The following SUDS3 variants were observed in gnomAD, a reference collection of about 807,000 sequenced individuals.
SUDS3 encodes SIN3A corepressor complex component SDS3.
In SUDS3, 23 loss-of-function variants were observed where a neutral mutation model predicts 53.5. That is an observed-to-expected ratio of 0.43 (90% CI 0.31 to 0.61). The LOEUF is 0.61. SUDS3 is among the 20% of genes least tolerant of loss of function. The pLI is 0.10. For synonymous variants in SUDS3, 150 were observed against 148.5 expected, an observed-to-expected ratio of 1.01 and a Z score of -0.08; for missense variants, 291 against 405.9, an observed-to-expected ratio of 0.72 and a Z score of 2.43.
At chr12:118,398,861 G>A (rs2046239612) in intron 6 of SUDS3, among the ~76,000 whole-genome samples, 1 of 152,114 alleles carries the variant, frequency 6.6e-6, no homozygotes, top group African/African-American at 2.4e-5. Flanking sequence ...ATCCAAAGGG[G>A]TAGGTAATGA....
chr12:118,383,962 T>A, intron 2 of SUDS3, 50 bp from the exon 3 acceptor site: 1 of 1,528,690 alleles, frequency 6.5e-7, no homozygotes, highest in South Asian at 1.2e-5. Context: ...TATTTTGGAA[T>A]TGAGTATTGA....
chr12:118,377,193 G>C (rs1395381633), intron 1 of SUDS3, among the ~76,000 whole-genome samples: 1 of 151,790 alleles, frequency 6.6e-6, no homozygotes, highest in Non-Finnish European at 1.5e-5. Flanking sequence ...TTGTGTGTGA[G>C]AGCATCAGAG....
intron 2 of SUDS3, among the ~76,000 whole-genome samples, chr12:118,383,361 T>TTA (rs2046084902): frequency 6.6e-6 from 1 of 152,254 alleles, no homozygotes; most frequent in South Asian, 2.1e-4. Flanking sequence ...CTTGCTGAAG[T>TTA]TATGACTGCC....
At chr12:118,387,749 C>T (rs557436604) in intron 4 of SUDS3, among the ~76,000 whole-genome samples, 1 of 152,274 alleles carries the variant, frequency 6.6e-6, no homozygotes, top group South Asian at 2.1e-4. Flanking sequence ...TAGGTTTTCA[C>T]CATGTTGGCC....
At chr12:118,405,433 G>A (rs2046300882) in intron 10 of SUDS3, among the ~76,000 whole-genome samples, 1 of 152,124 alleles carries the variant, frequency 6.6e-6, no homozygotes, top group Non-Finnish European at 1.5e-5. Context: ...ACAATGTCTG[G>A]TGTTTCCTAA....
Position 118,401,961 on chromosome 12 carries a change from TTTG to T in SUDS3, c.676-13_676-11del, listed in dbSNP as rs778348815. On this transcript the variant is annotated intron_variant, in intron 8 of 11. Transcript: ENST00000543473. The stretch of plus-strand genomic sequence containing the variant: ...CCTGAAATGATTTTCTCTAAGATTT[TTTG>T]TTGTTGTTCTTCCTACAGCTTAAGT... The T allele has an allele frequency of 4.0e-5, 65 of 1,613,970 alleles. No homozygotes were observed. The highest frequency in any genetic ancestry group is 1.2e-4 in the African/African-American group (9 of 75,060).
intron 5 of SUDS3, among the ~76,000 whole-genome samples, chr12:118,390,531 G>A (rs1032208295): frequency 1.3e-5 from 2 of 152,160 alleles, no homozygotes; most frequent in Admixed American, 6.5e-5. Context: ...CCTTAAATCA[G>A]TGTGGTGCCC....
intron 1 of SUDS3, among the ~76,000 whole-genome samples, chr12:118,377,177 C>T (rs966445754): frequency 2.0e-5 from 3 of 151,934 alleles, no homozygotes; most frequent in Non-Finnish European, 4.4e-5. Flanking sequence ...GTAGTTCGCC[C>T]CTTTTTTGTG....
chr12:118,395,344 A>G (rs182258386), intron 6 of SUDS3, among the ~76,000 whole-genome samples: 2 of 146,094 alleles, frequency 1.4e-5, no homozygotes, highest in East Asian at 2.1e-4. Context: ...TCCTGCCTCA[A>G]CCTCCTGAGT....
intron 4 of SUDS3, among the ~76,000 whole-genome samples, chr12:118,388,840 C>T (rs940474225): frequency 4.6e-5 from 7 of 152,238 alleles, no homozygotes; most frequent in African/African-American, 1.4e-4. Flanking sequence ...TATAGCCCTT[C>T]ATATAGTGCT....
intron 6 of SUDS3, among the ~76,000 whole-genome samples, chr12:118,397,558 A>C (rs1446069457): frequency 2.0e-5 from 3 of 151,998 alleles, no homozygotes; most frequent in Admixed American, 2.0e-4. Context: ...CATGTTTTCC[A>C]CCTGGGCTAT....
chr12:118,389,909 A>C lies in SUDS3; in HGVS notation c.341-18A>C. 1 of 1,614,016 alleles carries C rather than the reference A, an allele frequency of 6.2e-7. No homozygotes were observed. The highest frequency in any genetic ancestry group is 8.5e-7 in the Non-Finnish European group (1 of 1,179,872). ...GGCACAGCCTAGCAAATCTAATTGC[A>C]CTTTTTATCTCTTGCAGAACTCTTC... On this transcript the variant is annotated intron_variant, in intron 4 of 11. Coordinates refer to ENST00000543473, the MANE Select transcript of SUDS3 (RefSeq NM_022491.3).
chr12:118,400,604 C>T, intron 6 of SUDS3, 55 bp from the exon 7 acceptor site: 1 of 1,540,338 alleles, frequency 6.5e-7, no homozygotes, highest in South Asian at 1.1e-5. Context: ...TATAGAAATT[C>T]TTACTGACTT....
chr12:118,390,330 A>G (rs1410744822), intron 5 of SUDS3, among the ~76,000 whole-genome samples: 1 of 152,192 alleles, frequency 6.6e-6, no homozygotes, highest in Non-Finnish European at 1.5e-5. Flanking sequence ...AAAAAAAGAC[A>G]GATTTCTAAT....
At position 118,402,000 on chromosome 12, in the gene SUDS3, A is replaced by C; in HGVS notation, c.693A>C (p.Arg231Ser). The C allele has an allele frequency of 3.1e-6, 5 of 1,613,930 alleles. No homozygotes were observed. Among genetic ancestry groups the C allele is most frequent in the Non-Finnish European group, 4.2e-6 (5 of 1,179,874 alleles). Reference sequence around the variant, plus strand: ...TCCTACAGCTTAAGTCACCCAAGAGACCAGGTGAGTGCATGATGTGTTGGC... The same window carrying C: ...TCCTACAGCTTAAGTCACCCAAGAGCCCAGGTGAGTGCATGATGTGTTGGC... Reference protein sequence around the residue: ...RTLNKLKSPKRPASPSSPEHL... With the variant: ...RTLNKLKSPKSPASPSSPEHL... The change falls in exon 9 of 12, where the codon AGA becomes AGC. Residue 231 changes from arginine (R) to serine (S), a missense_variant. Physicochemically the swap from Arg to Ser is moderately radical, Grantham distance 110. Coordinates refer to ENST00000543473, the MANE Select transcript of SUDS3 (RefSeq NM_022491.3).
rs963625410 is a variant in SUDS3 at position 118,416,714 on chromosome 12, G to A, written c.*2281G>A. 1 of 152,190 alleles carries A rather than the reference G, an allele frequency of 6.6e-6. No individual in the cohort carries two copies. The highest frequency in any genetic ancestry group is 2.4e-5 in the African/African-American group (1 of 41,454). 9.4% of individuals were successfully genotyped at this position (152,190 alleles called of 1,614,324 possible). A position where few individuals can be genotyped will look rare whatever the true frequency, so the allele number is the denominator to read the frequency against. Reference sequence around the variant, plus strand: ...GCCTCAGTGGTGACCAGGAACAGAAGCAGCCTTCCTGTTAGTAGATGGGGG... The same window carrying A: ...GCCTCAGTGGTGACCAGGAACAGAAACAGCCTTCCTGTTAGTAGATGGGGG... On this transcript the variant is annotated 3_prime_UTR_variant, in exon 12 of 12. Transcript: ENST00000543473.
intron 3 of SUDS3, among the ~76,000 whole-genome samples, chr12:118,385,487 A>G (rs976272895): frequency 2.6e-5 from 4 of 152,178 alleles, no homozygotes; most frequent in Non-Finnish European, 5.9e-5. Context: ...GTCAGGCATT[A>G]TAATCAGGAA....
rs557160878 is a variant in SUDS3 at position 118,406,789 on chromosome 12, T to C, written c.803+3272T>C. On this transcript the variant is annotated intron_variant, in intron 10 of 11. Coordinates refer to ENST00000543473, the MANE Select transcript of SUDS3 (RefSeq NM_022491.3). ...TATCTAAACATATTTTTAAATTTCT[T>C]CCCCCCCCTTTGATTTTTCTTTAGA... Among the ~76,000 whole-genome samples the C allele has an allele frequency of 3.6e-3, 535 of 147,880 alleles. 5 individuals are homozygous for C. Among genetic ancestry groups the C allele is most frequent in the African/African-American group, 0.013 (509 of 40,214 alleles).
Position 118,417,119 on chromosome 12 carries a change from T to C in SUDS3, c.*2686T>C, listed in dbSNP as rs1262617806. On this transcript the variant is annotated 3_prime_UTR_variant, in exon 12 of 12. Coordinates refer to ENST00000543473, the MANE Select transcript of SUDS3 (RefSeq NM_022491.3). ...CCCTGAACCACGTCCTTTTGAATAA[T>C]TTCCAGATGGATTTCTGTAGCCATA... 6.6e-6 allele frequency: 1 copy of C among 152,154 alleles called. No individual in the cohort carries two copies. Among genetic ancestry groups the C allele is most frequent in the Non-Finnish European group, 1.5e-5 (1 of 68,022 alleles). 9.4% of individuals were successfully genotyped at this position (152,154 alleles called of 1,614,324 possible).
Sources: allele counts gnomAD v4.1 joint callset (sites outside exome capture counted in the v4.1 genomes callset), GRCh38; gene constraint gnomAD v4.1.1; transcripts MANE v1.5; gene names NCBI Gene and HGNC (gene_info 2026-07-23, HGNC 2026-07-21).